Variants in ZNHIT6 observed in about 807,000 individuals in gnomAD.
ZNHIT6 encodes box C/D snoRNA protein 1.
ZNHIT6 carries 45 observed loss-of-function variants against 57.2 expected under a neutral mutation model. The observed-to-expected ratio is 0.79, with a 90% CI of 0.62 to 1.01. The LOEUF is 1.01. ZNHIT6 is among the 50% of genes least tolerant of loss of function. ZNHIT6 has a pLI of 0.00. For synonymous variants in ZNHIT6, 188 were observed against 190.0 expected, an observed-to-expected ratio of 0.99 and a Z score of 0.09; for missense variants, 528 against 567.3, an observed-to-expected ratio of 0.93 and a Z score of 0.70.
chr1:85,698,053 T>C (rs1404284574), intron 5 of ZNHIT6, among the ~76,000 whole-genome samples: 4 of 152,164 alleles, frequency 2.6e-5, no homozygotes, highest in Non-Finnish European at 4.4e-5. Flanking sequence ...AACATTTCCT[T>C]ATCAAGCTTC....
At chr1:85,667,957 A>AG (rs1661421040) in intron 8 of ZNHIT6, among the ~76,000 whole-genome samples, 1 of 13,982 alleles carries the variant, frequency 7.2e-5, no homozygotes, top group African/African-American at 2.8e-4. Context: ...CAAAAAAAAA[A>AG]AAAAATATAT....
chr1:85,675,853 C>A (rs1273307478), intron 8 of ZNHIT6, among the ~76,000 whole-genome samples: 1 of 152,176 alleles, frequency 6.6e-6, no homozygotes, highest in Non-Finnish European at 1.5e-5. Context: ...GAGATGGCTT[C>A]TTTCCTTAAA....
At chr1:85,667,319 A>C (rs1041034349) in intron 8 of ZNHIT6, among the ~76,000 whole-genome samples, 2 of 152,182 alleles carry the variant, frequency 1.3e-5, no homozygotes, top group Admixed American at 6.6e-5. Context: ...TATTCCATAA[A>C]GATACATATT....
intron 8 of ZNHIT6, among the ~76,000 whole-genome samples, chr1:85,662,152 CT>C (rs199682957): frequency 6.7e-4 from 38 of 56,400 alleles, no homozygotes; most frequent in African/African-American, 1.3e-3. Context: ...AATTAGTGTG[CT>C]TTAAAAAAAA....
intron 4 of ZNHIT6, 88 bp from the exon 5 acceptor site, chr1:85,702,348 T>A (rs1449932561): frequency 3.9e-6 from 3 of 774,384 alleles, no homozygotes; most frequent in Non-Finnish European, 2.1e-6. Context: ...ATAGTTAAGA[T>A]TTACTGAGAA....
intron 8 of ZNHIT6, among the ~76,000 whole-genome samples, chr1:85,667,372 A>G (rs918938515): frequency 4.6e-5 from 7 of 152,164 alleles, no homozygotes; most frequent in African/African-American, 1.7e-4. Flanking sequence ...TCTTGCAGGA[A>G]ACAATTCTTG....
intron 5 of ZNHIT6, among the ~76,000 whole-genome samples, chr1:85,699,778 G>A (rs558588449): frequency 1.3e-5 from 2 of 152,162 alleles, no homozygotes; most frequent in Non-Finnish European, 2.9e-5. Flanking sequence ...GTTTAATACC[G>A]TGTTATGTAT....
intron 8 of ZNHIT6, among the ~76,000 whole-genome samples, chr1:85,676,285 G>A (rs1049388610): frequency 5.5e-5 from 8 of 146,526 alleles, no homozygotes; most frequent in South Asian, 2.2e-4. Context: ...GCGGTGAACC[G>A]AGATCACGCC....
At chr1:85,670,843 T>G (rs1332781805) in intron 8 of ZNHIT6, among the ~76,000 whole-genome samples, 1 of 152,112 alleles carries the variant, frequency 6.6e-6, no homozygotes, top group African/African-American at 2.4e-5. Context: ...AAGAAGTAGT[T>G]GAAGATGCTG....
intron 1 of ZNHIT6, 21 bp from the exon 2 acceptor site, chr1:85,706,528 CATTAA>C: frequency 6.6e-7 from 1 of 1,522,002 alleles, no homozygotes; most frequent in Non-Finnish European, 8.8e-7. Context: ...CCACATGTAA[CATTAA>C]ATTATCAAAT....
At chr1:85,659,514 T>C (rs1661167378) in intron 8 of ZNHIT6, among the ~76,000 whole-genome samples, 1 of 152,220 alleles carries the variant, frequency 6.6e-6, no homozygotes, top group Non-Finnish European at 1.5e-5. Context: ...TCCATCCTTT[T>C]ATCTCCTGCT....
intron 1 of ZNHIT6, among the ~76,000 whole-genome samples, 180 bp downstream of exon 1, chr1:85,707,449 T>C (rs1316223045): frequency 1.3e-5 from 2 of 152,148 alleles, no homozygotes; most frequent in African/African-American, 2.4e-5. Flanking sequence ...ATTTGTTGTG[T>C]TGTCATGTAC....
chr1:85,667,947 C>CAAA (rs1156795211), intron 8 of ZNHIT6, among the ~76,000 whole-genome samples: 2 of 9,262 alleles, frequency 2.2e-4, no homozygotes, highest in African/African-American at 3.9e-4. Flanking sequence ...CTCTCTCTTT[C>CAAA]AAAAAAAAAA....
intron 5 of ZNHIT6, among the ~76,000 whole-genome samples, chr1:85,683,337 T>C (rs1661932792): frequency 6.6e-6 from 1 of 152,100 alleles, no homozygotes; most frequent in Admixed American, 6.5e-5. Flanking sequence ...GCTCACATGG[T>C]GAAACCCCGT....
chr1:85,651,962 G>A lies in ZNHIT6; in HGVS notation c.*2096C>T, dbSNP rs916827940. The stretch of plus-strand genomic sequence containing the variant: ...CAAATGAGTTGATAATTATATTTAG[G>A]GGAATTCTAAGAGTTATATTCTTTC... On this transcript the variant is annotated 3_prime_UTR_variant, in exon 10 of 10. Coordinates refer to ENST00000370574, the MANE Select transcript of ZNHIT6 (RefSeq NM_017953.4). The A allele has an allele frequency of 1.3e-5, 2 of 152,072 alleles. No individual in the cohort carries two copies. Among genetic ancestry groups the A allele is most frequent in the Admixed American group, 1.3e-4 (2 of 15,262 alleles). The allele number at this position is 152,072 out of a possible 1,614,324, so 9.4% of individuals were successfully genotyped here.
intron 5 of ZNHIT6, among the ~76,000 whole-genome samples, chr1:85,694,021 G>A (rs1049986998): frequency 5.3e-5 from 8 of 152,086 alleles, no homozygotes; most frequent in Non-Finnish European, 8.8e-5. Context: ...GACTATATAT[G>A]AAATTTTAAA....
At chr1:85,699,537 A>C (rs150497624) in intron 5 of ZNHIT6, among the ~76,000 whole-genome samples, 1 of 152,252 alleles carries the variant, frequency 6.6e-6, no homozygotes, top group East Asian at 1.9e-4. Flanking sequence ...TCTCTAATAA[A>C]GCTGCCCACA....
chr1:85,698,879 G>C (rs545065390), intron 5 of ZNHIT6, among the ~76,000 whole-genome samples: 194 of 152,124 alleles, frequency 1.3e-3, no homozygotes, highest in African/African-American at 4.6e-3. Flanking sequence ...CAGTAAATGT[G>C]GCATATTCCT....
intron 1 of ZNHIT6, among the ~76,000 whole-genome samples, 186 bp downstream of exon 1, chr1:85,707,443 G>T (rs901517580): frequency 1.3e-5 from 2 of 152,004 alleles, no homozygotes; most frequent in African/African-American, 4.8e-5. Context: ...CACTGAATTT[G>T]TTGTGTTGTC....
Sources: allele counts gnomAD v4.1 joint callset (sites outside exome capture counted in the v4.1 genomes callset), GRCh38; gene constraint gnomAD v4.1.1; transcripts MANE v1.5; gene names NCBI Gene and HGNC (gene_info 2026-07-23, HGNC 2026-07-21).